Variants in SAMD5 observed in about 807,000 individuals in gnomAD.
SAMD5 encodes the protein sterile alpha motif domain-containing protein 5.
A neutral mutation model predicts 11.3 loss-of-function variants in SAMD5; 13 were observed. That is an observed-to-expected ratio of 1.15 (90% CI 0.75 to 1.83). SAMD5 has a LOEUF of 1.83. SAMD5 is among the 40% of genes most tolerant of loss of function. The probability of loss-of-function intolerance (pLI) is 0.00; values close to 1 mark genes in which losing one functional copy is unlikely to be tolerated. For missense variants in SAMD5, 255 were observed against 239.1 expected, an observed-to-expected ratio of 1.07 and a Z score of -0.44; for synonymous variants, 129 against 111.3, an observed-to-expected ratio of 1.16 and a Z score of -1.00.
At position 147,567,317 on chromosome 6, in the gene SAMD5, T is replaced by C; in HGVS notation, c.*2861T>C. The C allele has an allele frequency of 1.0e-6, 1 of 985,336 alleles. No individual in the cohort carries two copies. Among genetic ancestry groups the C allele is most frequent in the South Asian group, 4.7e-5 (1 of 21,280 alleles). 61.0% of individuals were successfully genotyped at this position (985,336 alleles called of 1,614,324 possible). A position where few individuals can be genotyped will look rare whatever the true frequency, so the allele number is the denominator to read the frequency against. ...TACGAGCAATTTCTCAGTTCAGAGA[T>C]ATTTATAGCATCTTGGTGTTATGCA... On this transcript the variant is annotated 3_prime_UTR_variant, in exon 2 of 2. Transcript: ENST00000367474.
At chr6:147,791,289 C>CAAATAAATAAATAAAT in the SAMD5 span, among the ~76,000 whole-genome samples, 8 of 151,684 alleles carry the variant, frequency 5.3e-5, no homozygotes, top group African/African-American at 1.7e-4. Context: ...GACCCCGTCT[C>CAAATAAATAAATAAAT]AAATAAATAA....
At chr6:147,652,278 T>G (rs1790496407) in intron 1 of SAMD5, among the ~76,000 whole-genome samples, 1 of 151,916 alleles carries the variant, frequency 6.6e-6, no homozygotes, top group African/African-American at 2.4e-5. Context: ...AGCTGAAGGT[T>G]TTTTTGTTTG....
At chr6:147,641,814 T>C (rs1048293639) in intron 1 of SAMD5, among the ~76,000 whole-genome samples, 2 of 152,180 alleles carry the variant, frequency 1.3e-5, no homozygotes, top group African/African-American at 4.8e-5. Flanking sequence ...TAACTTAACT[T>C]TTAATGTTTT....
chr6:147,778,206 C>T, the SAMD5 span, among the ~76,000 whole-genome samples: 1 of 152,154 alleles, frequency 6.6e-6, no homozygotes, highest in Non-Finnish European at 1.5e-5. Flanking sequence ...CCAAACTTGT[C>T]ATCACTGAAG....
At chr6:147,925,086 T>A in the SAMD5 span, among the ~76,000 whole-genome samples, 1 of 152,202 alleles carries the variant, frequency 6.6e-6, no homozygotes, top group Non-Finnish European at 1.5e-5. Context: ...ATGCTTATGT[T>A]CCTGCAAAAT....
intron 1 of SAMD5, among the ~76,000 whole-genome samples, chr6:147,576,150 T>C (rs1162457463): frequency 3.3e-5 from 5 of 151,704 alleles, no homozygotes; most frequent in Admixed American, 3.3e-4. Flanking sequence ...AACTTTTTTT[T>C]TTTTTTTGAG....
chr6:147,509,159 G>A lies in SAMD5; in HGVS notation c.231G>A (p.Glu77=), dbSNP rs1788041527. Residue 77 remains glutamate, a synonymous_variant, in exon 1 of 2, where the codon GAG becomes GAA. Coordinates refer to ENST00000367474, the MANE Select transcript of SAMD5 (RefSeq NM_001030060.3). ...ANAAGLYFTL[E]PQPAPPGPPA... ...CCGCCGGCCTCTACTTCACGCTTGA[G>A]CCGCAGCCGGCGCCCCCCGGGCCGC... is the stretch of plus-strand genomic sequence containing the variant. 5.8e-6 allele frequency: 8 copies of A among 1,387,610 alleles called. No homozygotes were observed. The highest frequency in any genetic ancestry group is 1.5e-5 in the African/African-American group (1 of 66,284). 86.0% of individuals were successfully genotyped at this position (1,387,610 alleles called of 1,614,324 possible).
At chr6:147,878,596 C>CT in the SAMD5 span, among the ~76,000 whole-genome samples, 1 of 143,672 alleles carries the variant, frequency 7.0e-6, no homozygotes, top group East Asian at 2.0e-4. Context: ...GATATATATA[C>CT]ATATATATCT....
At chr6:147,936,897 G>A in the SAMD5 span, among the ~76,000 whole-genome samples, 34,999 of 151,992 alleles carry the variant, frequency 0.23, 4,610 homozygotes, top group African/African-American at 0.35. Flanking sequence ...CACGTCATCA[G>A]TCTTGGTATT....
At chr6:147,575,556 C>CCA in intron 1 of SAMD5, among the ~76,000 whole-genome samples, 1 of 152,326 alleles carries the variant, frequency 6.6e-6, no homozygotes, top group East Asian at 1.9e-4. Flanking sequence ...TGGTTTCATA[C>CCA]GTGTTAAATT....
chr6:147,576,327 G>A (rs921082641), intron 1 of SAMD5, among the ~76,000 whole-genome samples: 2 of 152,078 alleles, frequency 1.3e-5, no homozygotes, highest in African/African-American at 4.8e-5. Context: ...TTTTAGTAGA[G>A]ACGGGGTTTA....
At chr6:147,846,229 G>A in the SAMD5 span, among the ~76,000 whole-genome samples, 2 of 152,112 alleles carry the variant, frequency 1.3e-5, no homozygotes, top group Non-Finnish European at 2.9e-5. Context: ...TAGGGATTTC[G>A]GGGATATGTG....
chr6:147,738,640 G>C (rs1162017039), downstream of SAMD5, among the ~76,000 whole-genome samples: 2 of 152,060 alleles, frequency 1.3e-5, no homozygotes, highest in Non-Finnish European at 2.9e-5. Flanking sequence ...TGACATAGGG[G>C]CCTGAAAAAT....
chr6:147,621,531 C>A (rs1789967901), intron 1 of SAMD5, among the ~76,000 whole-genome samples: 1 of 152,208 alleles, frequency 6.6e-6, no homozygotes. Flanking sequence ...GAGCTATCCC[C>A]CATCCCAGAG....
intron 1 of SAMD5, among the ~76,000 whole-genome samples, chr6:147,619,479 T>C (rs1284955169): frequency 1.3e-5 from 2 of 152,210 alleles, no homozygotes; most frequent in Non-Finnish European, 2.9e-5. Context: ...GGCAGATATG[T>C]GGATACTTGT....
At chr6:147,634,599 C>A (rs779505527) in intron 1 of SAMD5, among the ~76,000 whole-genome samples, 31 of 152,136 alleles carry the variant, frequency 2.0e-4, no homozygotes, top group Non-Finnish European at 3.2e-4. Flanking sequence ...TATGGATATA[C>A]CACATTTTAG....
chr6:147,641,821 T>C (rs917178791), intron 1 of SAMD5, among the ~76,000 whole-genome samples: 26 of 152,170 alleles, frequency 1.7e-4, no homozygotes, highest in Admixed American at 6.5e-5. Flanking sequence ...ACTTTTAATG[T>C]TTTGAAGTAA....
the SAMD5 span, among the ~76,000 whole-genome samples, chr6:147,781,168 T>C: frequency 6.6e-6 from 1 of 151,852 alleles, no homozygotes; most frequent in East Asian, 1.9e-4. Context: ...TGTTTTTTTT[T>C]TTTTTGAGAC....
intron 1 of SAMD5, among the ~76,000 whole-genome samples, chr6:147,621,606 G>A (rs1789968743): frequency 6.6e-6 from 1 of 152,202 alleles, no homozygotes; most frequent in Admixed American, 6.5e-5. Flanking sequence ...GATGATTTGG[G>A]AGTAGACATA....
Sources: allele counts gnomAD v4.1 joint callset (sites outside exome capture counted in the v4.1 genomes callset), GRCh38; gene constraint gnomAD v4.1.1; transcripts MANE v1.5; gene names NCBI Gene and HGNC (gene_info 2026-07-23, HGNC 2026-07-21).